The following EBF3 variants were observed in gnomAD, a reference collection of about 807,000 sequenced individuals.
The protein encoded by EBF3 is EBF transcription factor 3.
EBF3 carries 18 observed loss-of-function variants against 77.1 expected under a neutral mutation model. The ratio of observed to expected loss-of-function variants is 0.23; its 90% CI spans 0.16 to 0.35. The LOEUF is 0.35. Among genes scored for constraint, EBF3 ranks in the 10% least tolerant of loss-of-function variants. The pLI is 1.00. For synonymous variants in EBF3, 350 were observed against 343.5 expected (o/e 1.02, Z -0.21); for missense variants, 558 against 860.0 (o/e 0.65, Z 4.39).
intron 6 of EBF3, among the ~76,000 whole-genome samples, chr10:129,898,295 G>C (rs1854535074): frequency 6.6e-6 from 1 of 152,228 alleles, no homozygotes; most frequent in Non-Finnish European, 1.5e-5. Context: ...CAGTGCAGGA[G>C]TGAAATCTAA....
At chr10:129,937,503 C>T (rs1282897596) in intron 6 of EBF3, among the ~76,000 whole-genome samples, 1 of 152,186 alleles carries the variant, frequency 6.6e-6, no homozygotes, top group Non-Finnish European at 1.5e-5. Flanking sequence ...CAAGCCCACA[C>T]AACCTGTGGG....
chr10:129,884,868 C>G (rs1853463258), intron 6 of EBF3, among the ~76,000 whole-genome samples: 1 of 152,218 alleles, frequency 6.6e-6, no homozygotes, highest in Admixed American at 6.5e-5. Flanking sequence ...GAGCCCGTCT[C>G]TAGTGGACTC....
chr10:129,904,557 T>TGGATGGATGAAC (rs1855001230), intron 6 of EBF3, among the ~76,000 whole-genome samples: 1 of 151,374 alleles, frequency 6.6e-6, no homozygotes, highest in African/African-American at 2.4e-5. Context: ...CATGGATAAA[T>TGGATGGATGAAC]GGATGGATGA....
At chr10:129,951,600 C>T (rs1858685993) in intron 6 of EBF3, among the ~76,000 whole-genome samples, 1 of 152,252 alleles carries the variant, frequency 6.6e-6, no homozygotes, top group African/African-American at 2.4e-5. Context: ...ACTGGCCTGG[C>T]GGTGGAGTCT....
chr10:129,878,822 T>TAAAAAAA (rs1852983492), intron 6 of EBF3, among the ~76,000 whole-genome samples: 1 of 3,930 alleles, frequency 2.5e-4, no homozygotes, highest in Non-Finnish European at 8.2e-4. Flanking sequence ...AAAATCGGTC[T>TAAAAAAA]CAAAAAAAAA....
At chr10:129,933,447 G>T (rs1172118353) in intron 6 of EBF3, among the ~76,000 whole-genome samples, 1 of 152,188 alleles carries the variant, frequency 6.6e-6, no homozygotes, top group Non-Finnish European at 1.5e-5. Context: ...AGATTTCAAG[G>T]GCTCAAACCA....
At chr10:129,867,475 G>T (rs1283031628) in intron 9 of EBF3, among the ~76,000 whole-genome samples, 1 of 152,188 alleles carries the variant, frequency 6.6e-6, no homozygotes, top group Non-Finnish European at 1.5e-5. Flanking sequence ...TTGCAGGAAA[G>T]GCCACAGGGC....
chr10:129,915,685 T>C (rs945545310), intron 6 of EBF3, among the ~76,000 whole-genome samples: 2 of 152,156 alleles, frequency 1.3e-5, no homozygotes, highest in African/African-American at 4.8e-5. Context: ...GAGAGCACAA[T>C]ATTTTATTTA....
At chr10:129,931,492 T>A (rs945799135) in intron 6 of EBF3, among the ~76,000 whole-genome samples, 1 of 152,146 alleles carries the variant, frequency 6.6e-6, no homozygotes, top group Non-Finnish European at 1.5e-5. Context: ...TGCACTCAGG[T>A]CATCTCTGAG....
intron 10 of EBF3, among the ~76,000 whole-genome samples, chr10:129,865,028 AGTCT>A (rs1851898840): frequency 6.6e-6 from 1 of 152,240 alleles, no homozygotes; most frequent in South Asian, 2.1e-4. Flanking sequence ...CCCAGGTCCC[AGTCT>A]GTCTGCAAAC....
At chr10:129,933,666 C>T (rs1207449196) in intron 6 of EBF3, among the ~76,000 whole-genome samples, 1 of 152,190 alleles carries the variant, frequency 6.6e-6, no homozygotes, top group Non-Finnish European at 1.5e-5. Context: ...TTCCTAAGGC[C>T]CCATACCAAC....
chr10:129,957,655 G>A (rs1250329282), intron 5 of EBF3, among the ~76,000 whole-genome samples: 2 of 152,172 alleles, frequency 1.3e-5, no homozygotes, highest in African/African-American at 4.8e-5. Flanking sequence ...GGAGGCTTGG[G>A]AATAACTTTT....
At chr10:129,913,888 G>C (rs933162991) in intron 6 of EBF3, among the ~76,000 whole-genome samples, 2 of 152,234 alleles carry the variant, frequency 1.3e-5, no homozygotes, top group Non-Finnish European at 2.9e-5. Context: ...GCTAAGCTGA[G>C]TGTATCCAGC....
chr10:129,892,631 C>T (rs1292002548), intron 6 of EBF3, among the ~76,000 whole-genome samples: 1 of 152,182 alleles, frequency 6.6e-6, no homozygotes, highest in Admixed American at 6.5e-5. Flanking sequence ...GTCATAGCTA[C>T]GAACCAGCTA....
At chr10:129,914,540 CT>C (rs568765877) in intron 6 of EBF3, among the ~76,000 whole-genome samples, 139 of 152,324 alleles carry the variant, frequency 9.1e-4, no homozygotes, top group African/African-American at 3.2e-3. Context: ...AGTGAATCCC[CT>C]GCTGGGCATG....
In EBF3 at chr10:129,840,302, G is replaced by T. The variant is rs1267164316; in HGVS notation, c.1702C>A (p.Arg568=). 1 of 1,593,596 alleles carries T rather than the reference G, an allele frequency of 6.3e-7. No homozygotes were observed. The highest frequency in any genetic ancestry group is 1.8e-5 in the Admixed American group (1 of 57,018). ...GAAGGAGGAGGAGAGGCTTGGGGCC[G>T]GACCACGGGCGCGAAGGCGCTCTTC... The part of the protein sequence containing the change: ...KQKSAFAPVV[R]PQASPPPSCT... Residue 568 remains arginine (R), a synonymous_variant, in exon 15 of 17, where the codon CGG becomes AGG. Transcript: ENST00000440978.
chr10:129,903,494 C>T (rs536849618), intron 6 of EBF3, among the ~76,000 whole-genome samples: 4 of 152,346 alleles, frequency 2.6e-5, no homozygotes, highest in South Asian at 2.1e-4. Flanking sequence ...TAGCATCACA[C>T]CCTTACAAAG....
intron 6 of EBF3, among the ~76,000 whole-genome samples, chr10:129,882,666 G>A (rs960152101): frequency 3.3e-5 from 5 of 152,366 alleles, no homozygotes; most frequent in Admixed American, 1.3e-4. Context: ...GGCCAAGGCC[G>A]TTATCAATTA....
intron 6 of EBF3, among the ~76,000 whole-genome samples, chr10:129,893,438 GT>G (rs1854156888): frequency 6.6e-6 from 1 of 152,128 alleles, no homozygotes; most frequent in Non-Finnish European, 1.5e-5. Flanking sequence ...AATACCTTCT[GT>G]TCTAAATGAA....
Sources: allele counts gnomAD v4.1 joint callset (sites outside exome capture counted in the v4.1 genomes callset), GRCh38; gene constraint gnomAD v4.1.1; transcripts MANE v1.5; gene names NCBI Gene and HGNC (gene_info 2026-07-23, HGNC 2026-07-21).